Variants in PALM2AKAP2 observed in about 807,000 individuals in gnomAD.
PALM2AKAP2 encodes the protein PALM2-AKAP2 fusion protein.
Under a neutral mutation model 71.5 loss-of-function variants are expected in PALM2AKAP2, and 37 were observed. That is an observed-to-expected ratio of 0.52 (90% confidence interval 0.40 to 0.68). PALM2AKAP2 has a LOEUF of 0.68. PALM2AKAP2 is among the 30% of genes least tolerant of loss of function. The pLI is 0.00. For missense variants in PALM2AKAP2, 1,224 were observed against 1,191.8 expected (o/e 1.03, Z -0.40); for synonymous variants, 468 against 478.8 (o/e 0.98, Z 0.29).
intron 1 of PALM2AKAP2, chr9:109,867,148 C>T: frequency 2.2e-6 from 1 of 454,326 alleles, no homozygotes; most frequent in Admixed American, 2.4e-5. Flanking sequence ...ATTAACACTG[C>T]ACAGAACATG....
intron 1 of PALM2AKAP2, among the ~76,000 whole-genome samples, chr9:109,724,030 G>A (rs758272165): frequency 5.3e-5 from 8 of 152,130 alleles, no homozygotes; most frequent in South Asian, 2.1e-4. Flanking sequence ...AGATAAGCAC[G>A]TAATCAACTG....
At chr9:109,955,942 A>AAAAAC (rs930101753) in intron 6 of PALM2AKAP2, among the ~76,000 whole-genome samples, 6 of 152,078 alleles carry the variant, frequency 3.9e-5, no homozygotes, top group Admixed American at 1.3e-4. Context: ...CTGTCTTAAA[A>AAAAAC]AAAACAAAAC....
rs761372999 is a variant in PALM2AKAP2 at position 109,952,566 on chromosome 9, C to T, written c.496+20538C>T. 3.9e-5 allele frequency among the ~76,000 whole-genome samples: 6 copies of T among 152,288 alleles called. No individual in the cohort carries two copies. The East Asian group carries it at 7.7e-4, about 20-fold the overall frequency. On this transcript the variant is annotated intron_variant, in intron 6 of 9. Coordinates refer to the PALM2AKAP2 transcript ENST00000302798. ...TTGACAAGAGTTTCAACCAATAGAA[C>T]GTGGAGGAAATGCAAGAACATCTTG...
chr9:109,819,147 T>A (rs1183522982), intron 1 of PALM2AKAP2, among the ~76,000 whole-genome samples: 1 of 152,206 alleles, frequency 6.6e-6, no homozygotes, highest in Admixed American at 6.5e-5. Flanking sequence ...GAGCATCTTA[T>A]AAGAAAAATT....
At chr9:109,648,954 T>G (rs1208972724) in intron 1 of PALM2AKAP2, among the ~76,000 whole-genome samples, 6 of 152,180 alleles carry the variant, frequency 3.9e-5, no homozygotes, top group Non-Finnish European at 8.8e-5. Context: ...CAAGATGTCA[T>G]TCCATTGTGT....
intron 1 of PALM2AKAP2, among the ~76,000 whole-genome samples, chr9:110,059,739 G>C (rs1012271183): frequency 6.6e-6 from 1 of 152,118 alleles, no homozygotes; most frequent in Non-Finnish European, 1.5e-5. Flanking sequence ...CCAGGAGTGG[G>C]AAGCCTGTGT....
At chr9:110,147,590 A>G (rs1403197204) in intron 2 of PALM2AKAP2, among the ~76,000 whole-genome samples, 1 of 152,198 alleles carries the variant, frequency 6.6e-6, no homozygotes, top group Admixed American at 6.5e-5. Flanking sequence ...AACCTGGGCA[A>G]TATAGTGAGA....
chr9:110,120,002 T>C (rs1402315596), intron 1 of PALM2AKAP2, among the ~76,000 whole-genome samples: 1 of 152,222 alleles, frequency 6.6e-6, no homozygotes, highest in Non-Finnish European at 1.5e-5. Flanking sequence ...ATGCCAAAGT[T>C]GATTCTTAAC....
At chr9:109,737,842 A>G (rs1206175407) in intron 1 of PALM2AKAP2, among the ~76,000 whole-genome samples, 1 of 152,278 alleles carries the variant, frequency 6.6e-6, no homozygotes, top group African/African-American at 2.4e-5. Flanking sequence ...TAAAATGGGC[A>G]GTTGCCATCC....
chr9:110,144,801 T>G (rs978473435), intron 2 of PALM2AKAP2, among the ~76,000 whole-genome samples: 2 of 152,224 alleles, frequency 1.3e-5, no homozygotes, highest in Non-Finnish European at 2.9e-5. Flanking sequence ...TTTCAGAGTT[T>G]TTTGGATTTG....
chr9:110,015,807 C>A (rs1239150192), intron 6 of PALM2AKAP2, 147 bp from the exon 7 acceptor site: 4 of 696,714 alleles, frequency 5.7e-6, no homozygotes, highest in Non-Finnish European at 7.3e-6. Context: ...TTTTCCTAGC[C>A]CAGTAACTGC....
chr9:109,766,409 A>G (rs987979816), intron 1 of PALM2AKAP2, among the ~76,000 whole-genome samples: 1 of 152,220 alleles, frequency 6.6e-6, no homozygotes. Context: ...GAAGATTAAA[A>G]TGGGAATGAC....
chr9:110,055,206 A>ATTTC (rs1302661559), intron 1 of PALM2AKAP2, among the ~76,000 whole-genome samples: 1 of 148,516 alleles, frequency 6.7e-6, no homozygotes, highest in Non-Finnish European at 1.5e-5. Context: ...TTATTTATTT[A>ATTTC]TTTTTTGAGA....
intron 3 of PALM2AKAP2, among the ~76,000 whole-genome samples, chr9:109,889,202 T>A (rs551084500): frequency 8.5e-5 from 13 of 152,332 alleles, no homozygotes; most frequent in Admixed American, 2.6e-4. Flanking sequence ...TAAAAAGAAA[T>A]AGTTGCTTTT....
intron 1 of PALM2AKAP2, among the ~76,000 whole-genome samples, chr9:109,808,933 T>A (rs1827651001): frequency 6.6e-6 from 1 of 152,238 alleles, no homozygotes; most frequent in African/African-American, 2.4e-5. Context: ...CTTGGAGGCT[T>A]CCACATGGTG....
At chr9:110,036,835 G>T (rs979765114) in intron 7 of PALM2AKAP2, among the ~76,000 whole-genome samples, 1 of 151,938 alleles carries the variant, frequency 6.6e-6, no homozygotes, top group Non-Finnish European at 1.5e-5. Context: ...CCCTATGCTC[G>T]AATGCTTTTC....
At chr9:109,916,437 G>A (rs932252082) in intron 3 of PALM2AKAP2, among the ~76,000 whole-genome samples, 10 of 152,222 alleles carry the variant, frequency 6.6e-5, no homozygotes, top group Non-Finnish European at 4.4e-5. Context: ...GAGTGGGGAC[G>A]GAAACGGCGA....
At chr9:109,977,459 A>G (rs117510774) in intron 6 of PALM2AKAP2, among the ~76,000 whole-genome samples, 1,976 of 152,268 alleles carry the variant, frequency 0.013, 17 homozygotes, top group Non-Finnish European at 0.018. Context: ...ATGTCCCACC[A>G]CTTCTGCTCT....
chr9:110,140,303 C>A (rs1279988697), intron 2 of PALM2AKAP2, among the ~76,000 whole-genome samples: 1 of 152,306 alleles, frequency 6.6e-6, no homozygotes, highest in African/African-American at 2.4e-5. Context: ...GAGATGTCCC[C>A]GTTTTCCTTT....
Sources: allele counts gnomAD v4.1 joint callset (sites outside exome capture counted in the v4.1 genomes callset), GRCh38; gene constraint gnomAD v4.1.1; transcripts MANE v1.5; gene names NCBI Gene and HGNC (gene_info 2026-07-23, HGNC 2026-07-21).